ZNF320: variants seen among roughly 807,000 people sequenced by gnomAD.
ZNF320 encodes the protein zinc finger protein 320.
In ZNF320, 2 loss-of-function variants were observed where a neutral mutation model predicts 6.8. That is an observed-to-expected ratio of 0.29 (90% CI 0.12 to 0.93). The LOEUF is 0.93. ZNF320 is among the 40% of genes least tolerant of loss of function. The probability of loss-of-function intolerance (pLI) is 0.55; values close to 1 mark genes in which losing one functional copy is unlikely to be tolerated. For synonymous variants in ZNF320, 208 were observed against 203.2 expected, an observed-to-expected ratio of 1.02 and a Z score of -0.20; for missense variants, 472 against 611.0, an observed-to-expected ratio of 0.77 and a Z score of 2.40.
chr19:52,888,077 C>A (rs1418912711), intron 5 of ZNF320, 50 bp downstream of exon 5: 1 of 1,603,308 alleles, frequency 6.2e-7, no homozygotes, highest in East Asian at 2.2e-5. Flanking sequence ...AGAGAAAATA[C>A]AAAGATCCAC....
In ZNF320 at chr19:52,881,935, C is replaced by T; in HGVS notation, c.191G>A (p.Gly64Asp). ...CCCTGTGTGGATCACTTCTGTATTG[C>T]CTTGCCCTGTTGATGACAATGTATT... Reference protein sequence around the residue: ...MMNTLSSTGQGNTEVIHTGTL... With the variant: ...MMNTLSSTGQDNTEVIHTGTL... The change falls in exon 6 of 6, where the codon GGC (glycine) becomes GAC (aspartate). Residue 64 changes from glycine (G) to aspartate (D), a missense_variant. Transcript: ENST00000682928. The T allele has an allele frequency of 6.2e-7, 1 of 1,608,868 alleles. No homozygotes were observed. The highest frequency in any genetic ancestry group is 1.1e-5 in the South Asian group (1 of 90,116).
chr19:52,870,244 GC>G (rs1230350804), intron 5 of ZNF320, among the ~76,000 whole-genome samples: 24 of 151,724 alleles, frequency 1.6e-4, no homozygotes, highest in African/African-American at 5.5e-4. Context: ...ACTTTGTGAG[GC>G]CGAGGTGGAT....
At chr19:52,900,636 A>G (rs1201092665), upstream of ZNF320, among the ~76,000 whole-genome samples, 2 of 151,980 alleles carry the variant, frequency 1.3e-5, no homozygotes, top group African/African-American at 4.8e-5. Context: ...TCTGGAGAGC[A>G]TTTTTCAACT....
At chr19:52,891,384 T>C (rs972975172) in intron 2 of ZNF320, 38 bp from the exon 3 acceptor site, 1 of 149,496 alleles carries the variant, frequency 6.7e-6, no homozygotes, top group Admixed American at 6.7e-5. Flanking sequence ...GTTTCTGATG[T>C]GATAGAGATA....
intron 5 of ZNF320, among the ~76,000 whole-genome samples, chr19:52,882,772 C>T (rs1013589388): frequency 6.6e-6 from 1 of 152,148 alleles, no homozygotes; most frequent in Non-Finnish European, 1.5e-5. Context: ...GAAGCCCTGT[C>T]TCTGCTAAAA....
intron 5 of ZNF320, 124 bp from the exon 6 acceptor site, chr19:52,882,107 T>A (rs2063942296): frequency 1.0e-6 from 1 of 979,902 alleles, no homozygotes; most frequent in Non-Finnish European, 1.5e-6. Flanking sequence ...AGCTTCAAAG[T>A]TTAGGAACAC....
chr19:52,861,236 AG>A (rs989394083), exon 6 of ZNF320, among the ~76,000 whole-genome samples: 3 of 152,184 alleles, frequency 2.0e-5, no homozygotes, highest in African/African-American at 7.2e-5. Context: ...CAATTTTAAA[AG>A]AAAATTAAGA....
In ZNF320 at chr19:52,880,547, C is replaced by T; in HGVS notation, c.*49G>A. The T allele has an allele frequency of 6.6e-7, 1 of 1,512,410 alleles. No homozygotes were observed. Among genetic ancestry groups the T allele is most frequent in the East Asian group, 2.3e-5 (1 of 44,358 alleles). The allele number at this position is 1,512,410 out of a possible 1,614,324, so 93.7% of individuals were successfully genotyped here. A position where few individuals can be genotyped will look rare whatever the true frequency, so the allele number is the denominator to read the frequency against. ...TTTAATGTCGATTAATGCTTGAAAT[C>T]AATGTTAAGTCAACTCAAACTCAGG... On this transcript the variant is annotated 3_prime_UTR_variant, in exon 6 of 6. Coordinates refer to ENST00000682928, the MANE Select transcript of ZNF320 (RefSeq NM_001351774.2).
At position 52,889,092 on chromosome 19, in the gene ZNF320, G is replaced by A. The variant is rs186881560; in HGVS notation, c.16-839C>T. Among the ~76,000 whole-genome samples the A allele has an allele frequency of 5.9e-5, 9 of 152,034 alleles. No homozygotes were observed. In the East Asian group the frequency reaches 1.6e-3, roughly 26 times the overall value. The stretch of plus-strand genomic sequence containing the variant: ...CCAGCTACTGGGGAAGCTGAGGCAG[G>A]AGAATTACTTGAACCTGGGCGGCGG... On this transcript the variant is annotated intron_variant, in intron 4 of 5. Coordinates refer to ENST00000682928, the MANE Select transcript of ZNF320 (RefSeq NM_001351774.2).
At position 52,878,975 on chromosome 19, in the gene ZNF320, A is replaced by T. The variant is rs896642180; in HGVS notation, c.*1621T>A. ...TTATGGGATTACAGGCCTGAGCCACAGCATCTGGTCTCATCGCAAATTTGA... is the reference window on the plus strand; with the variant it reads ...TTATGGGATTACAGGCCTGAGCCACTGCATCTGGTCTCATCGCAAATTTGA... On this transcript the variant is annotated 3_prime_UTR_variant, in exon 6 of 6. Transcript: ENST00000682928. 6.6e-6 allele frequency: 1 copy of T among 152,326 alleles called. No individual in the cohort carries two copies. The highest frequency in any genetic ancestry group is 1.5e-5 in the Non-Finnish European group (1 of 68,040). 9.4% of individuals were successfully genotyped at this position (152,326 alleles called of 1,614,324 possible).
At chr19:52,872,733 C>T (rs1213813842), downstream of ZNF320, among the ~76,000 whole-genome samples, 1 of 152,072 alleles carries the variant, frequency 6.6e-6, no homozygotes, top group Non-Finnish European at 1.5e-5. Context: ...AATCTCCTGA[C>T]CTCGTGATCT....
downstream of ZNF320, among the ~76,000 whole-genome samples, chr19:52,875,544 T>C (rs973028869): frequency 2.0e-5 from 3 of 152,184 alleles, no homozygotes; most frequent in African/African-American, 4.8e-5. Context: ...ATCTGAGCAG[T>C]ACCCTCTCCT....
At chr19:52,889,281 C>T (rs947476797) in intron 4 of ZNF320, among the ~76,000 whole-genome samples, 4 of 152,056 alleles carry the variant, frequency 2.6e-5, no homozygotes, top group East Asian at 3.9e-4. Context: ...TGGGTGGAAT[C>T]TCATCAGATC....
intron 5 of ZNF320, among the ~76,000 whole-genome samples, chr19:52,883,965 T>C (rs920581604): frequency 2.0e-5 from 3 of 152,200 alleles, no homozygotes; most frequent in Admixed American, 2.0e-4. Context: ...TATTCTCTAA[T>C]AGGATGTTCC....
At chr19:52,872,413 G>C (rs552823874), downstream of ZNF320, among the ~76,000 whole-genome samples, 97 of 152,350 alleles carry the variant, frequency 6.4e-4, no homozygotes, top group African/African-American at 2.2e-3. Context: ...CAGGGACAAA[G>C]TATAGAGGGA....
At chr19:52,890,591 G>A (rs1405017825) in intron 3 of ZNF320, among the ~76,000 whole-genome samples, 3 of 152,210 alleles carry the variant, frequency 2.0e-5, no homozygotes, top group Admixed American at 2.0e-4. Context: ...CCACACAGAG[G>A]CTGGGTGTGG....
intron 2 of ZNF320, among the ~76,000 whole-genome samples, chr19:52,893,111 C>T (rs55782050): frequency 0.019 from 2,858 of 151,756 alleles, 89 homozygotes; most frequent in African/African-American, 0.064. Context: ...AGGTTTTTTA[C>T]TGCTCTCTCT....
At chr19:52,871,147 AAAAT>A (rs1228425632) in intron 5 of ZNF320, among the ~76,000 whole-genome samples, 1 of 152,144 alleles carries the variant, frequency 6.6e-6, no homozygotes, top group East Asian at 1.9e-4. Flanking sequence ...ACTCCATCTC[AAAAT>A]AAATAAATAA....
chr19:52,897,042 G>T (rs1283084785), intron 1 of ZNF320, among the ~76,000 whole-genome samples: 1 of 152,236 alleles, frequency 6.6e-6, no homozygotes, highest in Non-Finnish European at 1.5e-5. Flanking sequence ...GTAGCCCATA[G>T]GGACCTCAAA....
Sources: gnomAD v4.1 joint callset for allele counts (sites outside exome capture counted in the v4.1 genomes callset) on GRCh38, gnomAD v4.1.1 for gene constraint, MANE v1.5 for transcripts, NCBI Gene and HGNC (gene_info 2026-07-23, HGNC 2026-07-21) for gene names.